The following CTNNA2 variants were observed in gnomAD, a reference collection of about 807,000 sequenced individuals.
The protein encoded by CTNNA2 is catenin alpha-2.
Under a neutral mutation model 101.0 loss-of-function variants are expected in CTNNA2, and 42 were observed. The ratio of observed to expected loss-of-function variants is 0.42; its 90% CI spans 0.32 to 0.54. The LOEUF (loss-of-function observed/expected upper bound fraction) is 0.54, where lower values mean the gene tolerates loss of function less well. Among genes scored for constraint, CTNNA2 ranks in the 20% least tolerant of loss-of-function variants. The pLI, the probability that CTNNA2 is intolerant of heterozygous loss-of-function variation, is 0.14. For synonymous variants in CTNNA2, 450 were observed against 456.4 expected (o/e 0.99, Z 0.18); for missense variants, 871 against 1,223.1 (o/e 0.71, Z 4.29).
intron 7 of CTNNA2, among the ~76,000 whole-genome samples, chr2:80,095,182 A>G (rs1415180991): frequency 6.6e-6 from 1 of 152,222 alleles, no homozygotes; most frequent in Non-Finnish European, 1.5e-5. Flanking sequence ...TGTCCCATCA[A>G]TACCTAATTT....
chr2:80,131,362 G>T (rs1357215971), intron 7 of CTNNA2, among the ~76,000 whole-genome samples: 2 of 152,064 alleles, frequency 1.3e-5, no homozygotes, highest in African/African-American at 4.8e-5. Flanking sequence ...CTATGGTCAT[G>T]TAAGACATTA....
At chr2:80,577,439 G>C (rs1344278191) in intron 13 of CTNNA2, among the ~76,000 whole-genome samples, 1 of 152,108 alleles carries the variant, frequency 6.6e-6, no homozygotes, top group Non-Finnish European at 1.5e-5. Context: ...AAGTGCAAAG[G>C]TTGGAGCCAG....
intron 3 of CTNNA2, among the ~76,000 whole-genome samples, chr2:79,777,661 T>C (rs1674079234): frequency 6.6e-6 from 1 of 152,224 alleles, no homozygotes; most frequent in African/African-American, 2.4e-5. Context: ...TTAAAACCCA[T>C]CTTACCAAAA....
chr2:79,578,767 T>G (rs920539820), intron 1 of CTNNA2, among the ~76,000 whole-genome samples: 3 of 152,192 alleles, frequency 2.0e-5, no homozygotes, highest in African/African-American at 7.2e-5. Flanking sequence ...TTGTCTTAAC[T>G]AAAGTTTGCT....
chr2:80,519,438 A>G (rs184244797), intron 9 of CTNNA2, among the ~76,000 whole-genome samples: 12 of 152,258 alleles, frequency 7.9e-5, no homozygotes, highest in Admixed American at 1.3e-4. Context: ...TTGAAAAAAA[A>G]TCACACTCTA....
At chr2:79,853,970 T>C (rs1241119712) in intron 3 of CTNNA2, among the ~76,000 whole-genome samples, 1 of 152,138 alleles carries the variant, frequency 6.6e-6, no homozygotes, top group African/African-American at 2.4e-5. Flanking sequence ...GCCCAGCCCA[T>C]GCCATCCTTT....
chr2:79,733,069 C>T (rs999989778), intron 2 of CTNNA2, among the ~76,000 whole-genome samples: 1 of 152,074 alleles, frequency 6.6e-6, no homozygotes, highest in Non-Finnish European at 1.5e-5. Flanking sequence ...GAAAAAGAAG[C>T]GGGTTCGCTG....
intron 7 of CTNNA2, among the ~76,000 whole-genome samples, chr2:80,210,127 G>T (rs544173116): frequency 2.0e-5 from 3 of 152,300 alleles, no homozygotes; most frequent in East Asian, 3.9e-4. Flanking sequence ...TCAGTATGCA[G>T]AGATAGTTTT....
chr2:79,249,169 T>C (rs1344453659), intron 2 of CTNNA2, among the ~76,000 whole-genome samples: 2 of 142,528 alleles, frequency 1.4e-5, no homozygotes, highest in Non-Finnish European at 3.1e-5. Flanking sequence ...CAGGATTAAA[T>C]AGACACAATG....
At chr2:80,519,218 A>G (rs944459991) in intron 9 of CTNNA2, among the ~76,000 whole-genome samples, 1 of 152,178 alleles carries the variant, frequency 6.6e-6, no homozygotes, top group African/African-American at 2.4e-5. Context: ...AGCCAAAAGG[A>G]AAATGCTGTA....
intron 18 of CTNNA2, among the ~76,000 whole-genome samples, chr2:80,642,535 G>GGATAGACTGGAGGATAAAAAGT (rs1673607678): frequency 6.6e-6 from 1 of 151,602 alleles, no homozygotes; most frequent in Non-Finnish European, 1.5e-5. Flanking sequence ...AAAAATGTAG[G>GGATAGACTGGAGGATAAAAAGT]GATAGACTGG....
chr2:80,102,254 T>A (rs532879521), intron 7 of CTNNA2, among the ~76,000 whole-genome samples: 1 of 152,310 alleles, frequency 6.6e-6, no homozygotes, highest in African/African-American at 2.4e-5. Flanking sequence ...TGATTCACCC[T>A]CTGAGTGTGT....
At chr2:80,087,888 A>C (rs1387232064) in intron 7 of CTNNA2, among the ~76,000 whole-genome samples, 1 of 151,766 alleles carries the variant, frequency 6.6e-6, no homozygotes, top group Non-Finnish European at 1.5e-5. Context: ...TTCTCTCCCT[A>C]GTCTCACTTT....
rs1348174205 is a variant in CTNNA2, at chr2:80,647,578, A to G, written c.2575-7A>G. The G allele has an allele frequency of 5.0e-6, 8 of 1,595,502 alleles. No individual in the cohort carries two copies. The East Asian group carries it at 1.1e-4, about 22-fold the overall frequency. ...CCCACATGTATCTCATTCTTTTCCTACTCTAGCTGGACAGTGCCACATCGC... is the reference window on the plus strand; with the variant it reads ...CCCACATGTATCTCATTCTTTTCCTGCTCTAGCTGGACAGTGCCACATCGC... On this transcript the variant is annotated splice_region_variant and splice_polypyrimidine_tract_variant and intron_variant, in intron 18 of 18. Coordinates refer to ENST00000402739, the MANE Select transcript of CTNNA2 (RefSeq NM_001282597.3).
rs140160354 is a variant in CTNNA2, at chr2:79,205,744, G to A, written c.-406+7668G>A. Among the ~76,000 whole-genome samples, 232 of 152,270 alleles carry A rather than the reference G, an allele frequency of 1.5e-3. 1 individual carries two copies. Among genetic ancestry groups the A allele is most frequent in the African/African-American group, 5.3e-3 (219 of 41,546 alleles). On this transcript the variant is annotated intron_variant, in intron 2 of 21. Coordinates refer to the CTNNA2 transcript ENST00000466387. ...GCCTCGTGAAGCTTCTAGTGGGAAA[G>A]GTCAATGAAACAGAGCATACTTGCC...
intron 7 of CTNNA2, among the ~76,000 whole-genome samples, chr2:79,938,731 T>G (rs1046451891): frequency 2.0e-5 from 3 of 152,188 alleles, no homozygotes; most frequent in African/African-American, 7.2e-5. Context: ...AAAAGTATTA[T>G]CTAGAACACT....
At chr2:80,188,137 A>C (rs188962086) in intron 7 of CTNNA2, among the ~76,000 whole-genome samples, 1 of 152,180 alleles carries the variant, frequency 6.6e-6, no homozygotes, top group Non-Finnish European at 1.5e-5. Flanking sequence ...TGTTATTTCA[A>C]GGTTTTATCT....
intron 7 of CTNNA2, among the ~76,000 whole-genome samples, chr2:80,229,525 G>C (rs1054109608): frequency 6.6e-6 from 1 of 152,160 alleles, no homozygotes; most frequent in African/African-American, 2.4e-5. Context: ...AGATATGAGG[G>C]ATGGGTGCAG....
At chr2:79,347,437 G>T (rs1346903430) in intron 3 of CTNNA2, among the ~76,000 whole-genome samples, 5 of 152,154 alleles carry the variant, frequency 3.3e-5, no homozygotes, top group African/African-American at 1.2e-4. Context: ...GTTGTTGGGA[G>T]AATTAAATAA....
Sources: gnomAD v4.1 joint callset for allele counts (sites outside exome capture counted in the v4.1 genomes callset) on GRCh38, gnomAD v4.1.1 for gene constraint, MANE v1.5 for transcripts, NCBI Gene and HGNC (gene_info 2026-07-23, HGNC 2026-07-21) for gene names.